The following XXYLT1 variants were observed in gnomAD, a reference collection of about 807,000 sequenced individuals.
The protein encoded by XXYLT1 is UDP-xylose:alpha-xyloside alpha-1,3-xylosyltransferase.
In XXYLT1, 20 loss-of-function variants were observed where a neutral mutation model predicts 28.9. The ratio of observed to expected loss-of-function variants is 0.69; its 90% CI spans 0.49 to 1.00. XXYLT1 has a LOEUF of 1.00. Ranked by LOEUF, XXYLT1 falls within the 50% of genes least tolerant of loss-of-function variation. The probability of loss-of-function intolerance (pLI) is 0.00; values close to 1 mark genes in which losing one functional copy is unlikely to be tolerated. For missense variants in XXYLT1, 542 were observed against 560.1 expected (o/e 0.97, Z 0.33); for synonymous variants, 257 against 253.8 (o/e 1.01, Z -0.12).
intron 3 of XXYLT1, among the ~76,000 whole-genome samples, chr3:195,089,792 C>T (rs1220829892): frequency 6.6e-6 from 1 of 150,734 alleles, no homozygotes; most frequent in African/African-American, 2.4e-5. Context: ...ATCTCACATG[C>T]AGAGACACAC....
chr3:195,213,259 CTTTCT>C (rs200876978), intron 2 of XXYLT1, among the ~76,000 whole-genome samples: 3,534 of 145,040 alleles, frequency 0.024, 118 homozygotes, highest in African/African-American at 0.086. Context: ...GCACTTCTTT[CTTTCT>C]TTTTTTTTTT....
intron 2 of XXYLT1, among the ~76,000 whole-genome samples, chr3:195,192,360 G>A (rs1367634013): frequency 6.6e-6 from 1 of 151,638 alleles, no homozygotes; most frequent in Non-Finnish European, 1.5e-5. Context: ...AGGAAGCAGA[G>A]GTTGCAGTGA....
chr3:195,222,046 G>A (rs1299078209), intron 2 of XXYLT1, among the ~76,000 whole-genome samples: 2 of 152,200 alleles, frequency 1.3e-5, no homozygotes, highest in East Asian at 1.9e-4. Context: ...CCAAGGGGGC[G>A]ATCAGGGCAA....
intron 3 of XXYLT1, among the ~76,000 whole-genome samples, chr3:195,070,359 G>A (rs908733780): frequency 1.2e-4 from 18 of 151,888 alleles, no homozygotes; most frequent in African/African-American, 4.1e-4. Context: ...TATTGACTGA[G>A]GATGTACCAG....
intron 1 of XXYLT1, among the ~76,000 whole-genome samples, chr3:195,269,702 C>G (rs577863592): frequency 1.3e-5 from 2 of 152,226 alleles, no homozygotes; most frequent in African/African-American, 2.4e-5. Context: ...ACATCAGTCT[C>G]CACCCTTTAA....
chr3:195,221,574 T>C (rs1723824647), intron 2 of XXYLT1, among the ~76,000 whole-genome samples: 1 of 152,158 alleles, frequency 6.6e-6, no homozygotes, highest in Non-Finnish European at 1.5e-5. Context: ...TCTGGAGGCC[T>C]GCCTGCCCTG....
chr3:195,143,847 T>TAG lies in XXYLT1; in HGVS notation c.785+12601_785+12602insCT, dbSNP rs1560117178. Among the ~76,000 whole-genome samples, 102 of 71,350 alleles carry TAG rather than the reference T, an allele frequency of 1.4e-3. 9 individuals carry two copies. Among genetic ancestry groups the TAG allele is most frequent in the Non-Finnish European group, 1.9e-3 (60 of 32,276 alleles). 46.8% of individuals were successfully genotyped at this position (71,350 alleles called of 152,430 possible). On this transcript the variant is annotated intron_variant, in intron 3 of 3. Transcript: ENST00000310380. ...ATATATATAGATATAGATATAGATA[T>TAG]ATATATAGATATATATAGATATAGA...
At chr3:195,192,628 A>C (rs1722473051) in intron 2 of XXYLT1, among the ~76,000 whole-genome samples, 1 of 152,196 alleles carries the variant, frequency 6.6e-6, no homozygotes, top group Non-Finnish European at 1.5e-5. Context: ...TAACATCTGA[A>C]ATTAATGTAA....
chr3:195,137,894 C>A (rs962614124), intron 3 of XXYLT1, among the ~76,000 whole-genome samples: 2 of 152,188 alleles, frequency 1.3e-5, no homozygotes, highest in Non-Finnish European at 2.9e-5. Flanking sequence ...GGCAGGCAGG[C>A]TTTATCAGAC....
At chr3:195,178,688 G>A (rs1344760790) in intron 2 of XXYLT1, among the ~76,000 whole-genome samples, 2 of 152,158 alleles carry the variant, frequency 1.3e-5, no homozygotes, top group African/African-American at 4.8e-5. Context: ...CTTCACACCT[G>A]GGCCCCGTAC....
chr3:195,177,263 C>T (rs1261320827), intron 2 of XXYLT1, among the ~76,000 whole-genome samples: 2 of 152,168 alleles, frequency 1.3e-5, no homozygotes, highest in Non-Finnish European at 2.9e-5. Context: ...GACAGTGAGG[C>T]CCACAGAGGT....
intron 3 of XXYLT1, among the ~76,000 whole-genome samples, chr3:195,110,756 ATAAG>A (rs1717631990): frequency 1.3e-5 from 1 of 76,716 alleles, no homozygotes; most frequent in Non-Finnish European, 2.5e-5. Context: ...TGTGTGGTGT[ATAAG>A]TGTGTGTGGT....
At chr3:195,228,657 T>A (rs1577172531) in intron 1 of XXYLT1, among the ~76,000 whole-genome samples, 2 of 150,340 alleles carry the variant, frequency 1.3e-5, no homozygotes, top group East Asian at 3.9e-4. Flanking sequence ...CCCAGCTAAT[T>A]TTTTGTATTT....
intron 2 of XXYLT1, among the ~76,000 whole-genome samples, chr3:195,194,929 C>A (rs1012979442): frequency 6.6e-6 from 1 of 152,056 alleles, no homozygotes; most frequent in Non-Finnish European, 1.5e-5. Context: ...TAACTTCAAA[C>A]AAGCAGAGGA....
At chr3:195,193,729 T>A (rs1722513803) in intron 2 of XXYLT1, among the ~76,000 whole-genome samples, 1 of 152,068 alleles carries the variant, frequency 6.6e-6, no homozygotes, top group South Asian at 2.1e-4. Flanking sequence ...CAGAAATAAA[T>A]CCTCACATTT....
At chr3:195,211,903 A>G (rs1300559856) in intron 2 of XXYLT1, among the ~76,000 whole-genome samples, 107 of 114,488 alleles carry the variant, frequency 9.3e-4, no homozygotes, top group African/African-American at 3.0e-3. Flanking sequence ...GGCAAGCCAC[A>G]GAATGCCACC....
intron 3 of XXYLT1, among the ~76,000 whole-genome samples, chr3:195,130,300 G>C (rs1201458536): frequency 6.6e-6 from 1 of 152,176 alleles, no homozygotes; most frequent in Non-Finnish European, 1.5e-5. Flanking sequence ...AAGTGACAAT[G>C]ATCACACTCA....
At chr3:195,134,350 G>A (rs1248722466) in intron 3 of XXYLT1, among the ~76,000 whole-genome samples, 1 of 152,138 alleles carries the variant, frequency 6.6e-6, no homozygotes, top group Non-Finnish European at 1.5e-5. Flanking sequence ...AGTCCTACAA[G>A]CTCCACTGAT....
chr3:195,119,287 CAAAA>C lies in XXYLT1; in HGVS notation c.785+37158_785+37161del, dbSNP rs11328657. 7.3e-5 allele frequency among the ~76,000 whole-genome samples: 8 copies of C among 109,542 alleles called. 1 individual carries two copies. In the South Asian group the frequency reaches 1.5e-3, roughly 21 times the overall value. The allele number at this position is 109,542 out of a possible 152,430, so 71.9% of individuals were successfully genotyped here. A position where few individuals can be genotyped will look rare whatever the true frequency, so the allele number is the denominator to read the frequency against. ...AGACACAGCGAGACTCCATCTCAAA[CAAAA>C]AAAAAAAAAAAAAAGGAAATAACAT... On this transcript the variant is annotated intron_variant, in intron 3 of 3. Coordinates refer to ENST00000310380, the MANE Select transcript of XXYLT1 (RefSeq NM_152531.5).
Sources: allele counts gnomAD v4.1 joint callset (sites outside exome capture counted in the v4.1 genomes callset), GRCh38; gene constraint gnomAD v4.1.1; transcripts MANE v1.5; gene names NCBI Gene and HGNC (gene_info 2026-07-23, HGNC 2026-07-21).